The following FREM3 variants were observed in gnomAD, a reference collection of about 807,000 sequenced individuals.
FREM3 encodes FRAS1-related extracellular matrix protein 3.
A neutral mutation model predicts 129.1 loss-of-function variants in FREM3; 105 were observed. That is an observed-to-expected ratio of 0.81 (90% confidence interval 0.69 to 0.96). FREM3 has a LOEUF of 0.96. Ranked by LOEUF, FREM3 falls within the 40% of genes least tolerant of loss-of-function variation. The pLI, the probability that FREM3 is intolerant of heterozygous loss-of-function variation, is 0.00. For synonymous variants in FREM3, 1,014 were observed against 1,044.9 expected, an observed-to-expected ratio of 0.97 and a Z score of 0.57; for missense variants, 2,593 against 2,666.3, an observed-to-expected ratio of 0.97 and a Z score of 0.61.
At chr4:143,590,613 T>C (rs936434898) in intron 6 of FREM3, among the ~76,000 whole-genome samples, 2 of 152,268 alleles carry the variant, frequency 1.3e-5, no homozygotes, top group Non-Finnish European at 2.9e-5. Flanking sequence ...GGATAAGCTT[T>C]TTGATGTGTT....
In FREM3 at chr4:143,624,272, A is replaced by T. The variant is rs1739006568; in HGVS notation, c.5489T>A (p.Ile1830Asn). ...TGTAGTCTGTCCAGGATTGAACTGG[A>T]TCTGTTTATTGGTCTTCCATTTGAA... Reference protein sequence around the residue: ...KDFKWKTNKQIQFNPGQTTAT... With the variant: ...KDFKWKTNKQNQFNPGQTTAT... The change falls in exon 4 of 8, where the codon ATC (isoleucine) becomes AAC (asparagine). Residue 1830 changes from isoleucine to asparagine, a missense_variant. Ile to Asn is a moderately radical substitution (Grantham distance 149). Coordinates refer to ENST00000329798, the MANE Select transcript of FREM3 (RefSeq NM_001168235.2). The T allele has an allele frequency of 2.0e-6, 3 of 1,537,040 alleles. No individual in the cohort carries two copies. Among genetic ancestry groups the T allele is most frequent in the Non-Finnish European group, 1.7e-6 (2 of 1,146,800 alleles).
intron 2 of FREM3, among the ~76,000 whole-genome samples, chr4:143,631,640 T>C (rs1739142997): frequency 1.3e-5 from 2 of 152,010 alleles, no homozygotes; most frequent in Admixed American, 6.6e-5. Context: ...ACAAGGGCAA[T>C]ATGATTGTGG....
chr4:143,700,022 G>A lies in FREM3; in HGVS notation c.654C>T (p.Gly218=), dbSNP rs759999565. The change falls in exon 1 of 8, where the codon GGC becomes GGT. Residue 218 remains glycine, a synonymous_variant. Transcript: ENST00000329798. ...CCAAGCGCCCGTACTTGGGCAGGGG[G>A]CCGTCCTCGTGAGGAAGTGGGGTAA... The part of the protein sequence containing the change: ...CRLTPLPHED[G]PLPKYGRLVD... 4.2e-4 allele frequency: 640 copies of A among 1,508,996 alleles called. 4 individuals carry two copies. Among genetic ancestry groups the A allele is most frequent in the Middle Eastern group, 1.7e-3 (10 of 5,824 alleles). The allele number at this position is 1,508,996 out of a possible 1,614,324, so 93.5% of individuals were successfully genotyped here. A position where few individuals can be genotyped will look rare whatever the true frequency, so the allele number is the denominator to read the frequency against.
intron 2 of FREM3, among the ~76,000 whole-genome samples, chr4:143,663,052 G>A (rs558921996): frequency 2.0e-4 from 30 of 152,198 alleles, no homozygotes; most frequent in Admixed American, 7.9e-4. Context: ...GCCACTCTGC[G>A]TCTTTTAATT....
chr4:143,687,488 C>T (rs1285019919), intron 2 of FREM3, among the ~76,000 whole-genome samples: 1 of 152,008 alleles, frequency 6.6e-6, no homozygotes, highest in Non-Finnish European at 1.5e-5. Context: ...TAGAGAAAAA[C>T]GGAACCCTCC....
chr4:143,611,501 TGGA>T lies in FREM3; in HGVS notation c.5803_5805del (p.Ser1935del). On this transcript the variant is annotated inframe_deletion, in exon 6 of 8. Coordinates refer to ENST00000329798, the MANE Select transcript of FREM3 (RefSeq NM_001168235.2). ...GAGATGTAATCAGAGAATAACACTG[TGGA>T]AGAAATCGTGCCTGTGGCAGAACCT... is the stretch of plus-strand genomic sequence containing the variant. 1 of 1,536,988 alleles carries T rather than the reference TGGA, an allele frequency of 6.5e-7. No individual in the cohort carries two copies. Among genetic ancestry groups the T allele is most frequent in the South Asian group, 1.2e-5 (1 of 84,038 alleles).
intron 2 of FREM3, among the ~76,000 whole-genome samples, chr4:143,675,918 A>G (rs369661320): frequency 2.6e-5 from 4 of 151,980 alleles, no homozygotes; most frequent in East Asian, 1.9e-4. Flanking sequence ...CAACCAAAAA[A>G]AGTCCAGGAC....
In FREM3 at chr4:143,698,280, A is replaced by C. The variant is rs1740619555; in HGVS notation, c.2396T>G (p.Val799Gly). 1.3e-6 allele frequency: 2 copies of C among 1,537,476 alleles called. No homozygotes were observed. The highest frequency in any genetic ancestry group is 3.9e-5 in the Admixed American group (2 of 50,984). Residue 799 changes from valine to glycine, a missense_variant, in exon 1 of 8, where the codon GTT becomes GGT. Val to Gly is a moderately radical substitution (Grantham distance 109, BLOSUM62 -3). Coordinates refer to ENST00000329798, the MANE Select transcript of FREM3 (RefSeq NM_001168235.2). ...TTCCACCTGGTAAGTAAACTGCACAACCCGTGGTGCAATACCCAATTTCTG... is the reference window on the plus strand; with the variant it reads ...TTCCACCTGGTAAGTAAACTGCACACCCCGTGGTGCAATACCCAATTTCTG... Reference protein sequence around the residue: ...PPQKLGIAPRVVQFTYQVEDA... With the variant: ...PPQKLGIAPRGVQFTYQVEDA...
chr4:143,624,689 A>T (rs1389923096), intron 3 of FREM3, among the ~76,000 whole-genome samples: 3 of 152,176 alleles, frequency 2.0e-5, no homozygotes, highest in Non-Finnish European at 4.4e-5. Context: ...CAGCCCCCAG[A>T]AAGTTCATAG....
intron 2 of FREM3, among the ~76,000 whole-genome samples, chr4:143,663,726 C>A (rs1739789080): frequency 6.6e-6 from 1 of 152,134 alleles, no homozygotes; most frequent in Non-Finnish European, 1.5e-5. Flanking sequence ...GTACACCAAT[C>A]AGATGTAGAT....
At chr4:143,578,383 A>G (rs773676881) in intron 7 of FREM3, among the ~76,000 whole-genome samples, 29 of 152,130 alleles carry the variant, frequency 1.9e-4, no homozygotes, top group Admixed American at 7.9e-4. Context: ...CTTCTTTGCG[A>G]CTTATTTGGA....
chr4:143,683,897 C>T (rs1408503261), intron 2 of FREM3, among the ~76,000 whole-genome samples: 6 of 152,238 alleles, frequency 3.9e-5, no homozygotes, highest in Non-Finnish European at 8.8e-5. Context: ...CTTTCCCCCT[C>T]TTCCCTGACA....
chr4:143,627,524 C>A, intron 3 of FREM3, 90 bp downstream of exon 3: 4 of 1,122,168 alleles, frequency 3.6e-6, no homozygotes, highest in Non-Finnish European at 5.1e-6. Flanking sequence ...GTTCTTTATT[C>A]TCTTTCAGTA....
At chr4:143,648,306 T>G (rs1049134294) in intron 2 of FREM3, among the ~76,000 whole-genome samples, 1 of 152,230 alleles carries the variant, frequency 6.6e-6, no homozygotes, top group Non-Finnish European at 1.5e-5. Context: ...CAGATGAGAC[T>G]TTGGACTTGG....
chr4:143,606,499 A>C (rs1266620597), intron 6 of FREM3, among the ~76,000 whole-genome samples: 1 of 152,064 alleles, frequency 6.6e-6, no homozygotes, highest in Non-Finnish European at 1.5e-5. Flanking sequence ...TATAGGAAAC[A>C]CTAGATGGCC....
chr4:143,587,699 T>C (rs1738266358), intron 6 of FREM3, among the ~76,000 whole-genome samples: 1 of 152,134 alleles, frequency 6.6e-6, no homozygotes, highest in African/African-American at 2.4e-5. Context: ...TCAGTACTCT[T>C]TGGTTTTGGA....
intron 2 of FREM3, among the ~76,000 whole-genome samples, chr4:143,655,641 T>C (rs561039562): frequency 6.6e-6 from 1 of 152,312 alleles, no homozygotes; most frequent in East Asian, 1.9e-4. Context: ...TATGGCTCCA[T>C]TGAGGAAATA....
At chr4:143,593,847 G>C (rs1486172091) in intron 6 of FREM3, among the ~76,000 whole-genome samples, 1 of 152,244 alleles carries the variant, frequency 6.6e-6, no homozygotes, top group Non-Finnish European at 1.5e-5. Context: ...AGTCTACAGA[G>C]GCAGGCAGGC....
intron 6 of FREM3, among the ~76,000 whole-genome samples, chr4:143,600,294 G>A (rs1010160626): frequency 8.5e-5 from 13 of 152,120 alleles, no homozygotes; most frequent in African/African-American, 3.1e-4. Flanking sequence ...TGAGGACTTT[G>A]AGGATACAAT....
Sources: gnomAD v4.1 joint callset for allele counts (sites outside exome capture counted in the v4.1 genomes callset) on GRCh38, gnomAD v4.1.1 for gene constraint, MANE v1.5 for transcripts, NCBI Gene and HGNC (gene_info 2026-07-23, HGNC 2026-07-21) for gene names.